The following CNKSR2 variants were observed in gnomAD, a reference collection of about 807,000 sequenced individuals.
CNKSR2 encodes the protein CNK homolog protein 2.
Under a neutral mutation model 84.4 loss-of-function variants are expected in CNKSR2, and 14 were observed. The observed-to-expected ratio is 0.17, with a 90% confidence interval of 0.11 to 0.26. CNKSR2 has a LOEUF of 0.26. CNKSR2 is among the 10% of genes least tolerant of loss of function. The probability of loss-of-function intolerance (pLI) is 1.00; values close to 1 mark genes in which losing one functional copy is unlikely to be tolerated. For synonymous variants in CNKSR2, 275 were observed against 277.9 expected, an observed-to-expected ratio of 0.99 and a Z score of 0.10; for missense variants, 485 against 771.2, an observed-to-expected ratio of 0.63 and a Z score of 4.40.
At chrX:21,574,844 A>T (rs1048261453) in intron 13 of CNKSR2, among the ~76,000 whole-genome samples, 6 of 111,971 alleles carry the variant, frequency 5.4e-5, no homozygotes, top group Non-Finnish European at 7.5e-5. Flanking sequence ...GGGATTTTTT[A>T]AAAAGTAACC....
intron 5 of CNKSR2, among the ~76,000 whole-genome samples, chrX:21,489,858 C>G (rs1188686828): frequency 2.7e-5 from 3 of 111,466 alleles, no homozygotes; most frequent in Non-Finnish European, 5.7e-5. Context: ...ATGAGTAGGG[C>G]ATGGTACCTG....
chrX:21,627,173 T>C (rs1471698574), intron 20 of CNKSR2, among the ~76,000 whole-genome samples: 1 of 111,189 alleles, frequency 9.0e-6, no homozygotes, highest in Non-Finnish European at 1.9e-5. Context: ...TGAGCGTGTA[T>C]TAGTCTGCTT....
intron 8 of CNKSR2, among the ~76,000 whole-genome samples, chrX:21,510,799 T>C (rs1192099242): frequency 8.9e-6 from 1 of 112,047 alleles, no homozygotes; most frequent in Non-Finnish European, 1.9e-5. Flanking sequence ...GTGTGTAAAA[T>C]ACATTTTAAT....
chrX:21,445,768 A>G (rs2090846115), intron 4 of CNKSR2, among the ~76,000 whole-genome samples: 1 of 112,068 alleles, frequency 8.9e-6, no homozygotes, highest in Non-Finnish European at 1.9e-5. Context: ...GTTGCTGTGA[A>G]TTATAGGATT....
Position 21,591,183 on chromosome X carries a change from A to G in CNKSR2, c.1819A>G (p.Ile607Val). Residue 607 changes from isoleucine to valine, a missense_variant, in exon 15 of 22, where the codon ATT becomes GTT. Ile to Val is a conservative substitution (Grantham distance 29). Transcript: ENST00000379510. ...AAAGGATGCATCCCTTTATTGGTATATTAATGAGGAGGTAAGATAAAGCAC... is the reference window on the plus strand; with the variant it reads ...AAAGGATGCATCCCTTTATTGGTATGTTAATGAGGAGGTAAGATAAAGCAC... ...VLKDASLYWY[I>V]NEEDEKAEGF... 1 of 1,181,597 alleles carries G rather than the reference A, an allele frequency of 8.5e-7. No individual in the cohort carries two copies. The highest frequency in any genetic ancestry group is 1.9e-5 in the South Asian group (1 of 52,440).
At chrX:21,502,757 C>T (rs750211540) in intron 8 of CNKSR2, among the ~76,000 whole-genome samples, 21 of 111,460 alleles carry the variant, frequency 1.9e-4, no homozygotes, top group South Asian at 3.7e-4. Context: ...AAATTAAATG[C>T]GTGGGTGTAC....
chrX:21,421,702 G>A (rs2090499495), intron 1 of CNKSR2: 1 of 110,070 alleles, frequency 9.1e-6, no homozygotes, highest in African/African-American at 3.3e-5. Flanking sequence ...TTGTTTTTTG[G>A]AGAGTAGTTT....
At chrX:21,468,205 T>G (rs1601827588) in intron 4 of CNKSR2, among the ~76,000 whole-genome samples, 1 of 110,874 alleles carries the variant, frequency 9.0e-6, no homozygotes, top group African/African-American at 3.3e-5. Context: ...TCTAGTACAG[T>G]TGATTAATAT....
At chrX:21,601,540 T>G (rs181186231) in intron 18 of CNKSR2, among the ~76,000 whole-genome samples, 191 bp downstream of exon 18, 1 of 111,465 alleles carries the variant, frequency 9.0e-6, no homozygotes, top group African/African-American at 3.3e-5. Context: ...GAGCAGCTAG[T>G]GTGGAGTTCT....
At chrX:21,375,206 A>T (rs2146931337) in intron 1 of CNKSR2, among the ~76,000 whole-genome samples, 1 of 112,830 alleles carries the variant, frequency 8.9e-6, no homozygotes, top group African/African-American at 3.2e-5. Context: ...ACCCCGTTGG[A>T]GGCAGGAAGT....
chrX:21,555,239 A>G (rs963222500), intron 11 of CNKSR2, among the ~76,000 whole-genome samples: 8 of 111,011 alleles, frequency 7.2e-5, no homozygotes, highest in Non-Finnish European at 1.5e-4. Context: ...TTCTCTGTCA[A>G]TGAAACTGAA....
intron 21 of CNKSR2, among the ~76,000 whole-genome samples, chrX:21,649,410 T>C (rs1306533184): frequency 8.9e-6 from 1 of 112,292 alleles, no homozygotes; most frequent in Non-Finnish European, 1.9e-5. Flanking sequence ...CAGAATACAA[T>C]AGTGGGTGCT....
intron 1 of CNKSR2, among the ~76,000 whole-genome samples, chrX:21,388,996 G>A (rs2090011019): frequency 9.2e-6 from 1 of 108,637 alleles, no homozygotes; most frequent in African/African-American, 3.4e-5. Flanking sequence ...TGATTGATAT[G>A]ATATGATGAG....
At chrX:21,533,041 G>A (rs1476843453) in intron 11 of CNKSR2, among the ~76,000 whole-genome samples, 3 of 110,356 alleles carry the variant, frequency 2.7e-5, no homozygotes, top group Admixed American at 9.6e-5. Context: ...TCAGCTCTTT[G>A]GTAATAAGTA....
chrX:21,494,885 C>T (rs1386954520), intron 6 of CNKSR2: 4 of 111,715 alleles, frequency 3.6e-5, no homozygotes, highest in Non-Finnish European at 7.5e-5. Flanking sequence ...ATTGTGTTAA[C>T]CATACATTCG....
intron 1 of CNKSR2, among the ~76,000 whole-genome samples, chrX:21,400,396 A>G (rs2090174269): frequency 9.0e-6 from 1 of 111,304 alleles, no homozygotes. Context: ...TCTGAAATGT[A>G]GAACTCCACA....
intron 20 of CNKSR2, among the ~76,000 whole-genome samples, chrX:21,624,216 G>A (rs2147307722): frequency 8.9e-6 from 1 of 111,803 alleles, no homozygotes; most frequent in African/African-American, 3.2e-5. Flanking sequence ...GAAAACAAAG[G>A]AAAAAGACAT....
At chrX:21,488,336 G>A (rs947081884) in intron 5 of CNKSR2, among the ~76,000 whole-genome samples, 3 of 112,008 alleles carry the variant, frequency 2.7e-5, no homozygotes, top group African/African-American at 9.7e-5. Context: ...GCATTATCAT[G>A]TCTTAGCATG....
At chrX:21,592,641 T>G (rs2092427930) in intron 15 of CNKSR2, 1 of 111,216 alleles carries the variant, frequency 9.0e-6, no homozygotes, top group African/African-American at 3.3e-5. Context: ...GAATTAATAT[T>G]TTTCTATTTA....
Sources: gnomAD v4.1 joint callset for allele counts (sites outside exome capture counted in the v4.1 genomes callset) on GRCh38, gnomAD v4.1.1 for gene constraint, MANE v1.5 for transcripts, NCBI Gene and HGNC (gene_info 2026-07-23, HGNC 2026-07-21) for gene names.